The following PLAC1 variants were observed in gnomAD, a reference collection of about 807,000 sequenced individuals.
PLAC1 encodes placenta-specific protein 1.
For synonymous variants in PLAC1, 68 were observed against 62.1 expected (o/e 1.09, Z -0.44); for missense variants, 136 against 163.2 (o/e 0.83, Z 0.91).
intron 2 of PLAC1, among the ~76,000 whole-genome samples, chrX:134,665,839 C>A (rs1028855816): frequency 9.0e-6 from 1 of 110,854 alleles, no homozygotes; most frequent in African/African-American, 3.3e-5. Flanking sequence ...AGCTCTGGAG[C>A]AAATACTGCC....
At chrX:134,699,628 G>T (rs1250789325) in intron 2 of PLAC1, among the ~76,000 whole-genome samples, 1 of 112,364 alleles carries the variant, frequency 8.9e-6, no homozygotes, top group East Asian at 2.8e-4. Context: ...TCTGTTGTTG[G>T]TTAATTACCC....
At chrX:134,618,645 G>A (rs2078196517) in intron 1 of PLAC1, among the ~76,000 whole-genome samples, 1 of 111,102 alleles carries the variant, frequency 9.0e-6, no homozygotes, top group East Asian at 2.8e-4. Context: ...TGAATTCCTG[G>A]GCTCCAGCGA....
At chrX:134,635,280 G>A (rs1287403140) in intron 1 of PLAC1, among the ~76,000 whole-genome samples, 2 of 111,680 alleles carry the variant, frequency 1.8e-5, no homozygotes, top group Non-Finnish European at 3.8e-5. Flanking sequence ...AGGATATTCA[G>A]AACCTTGGTC....
intron 2 of PLAC1, among the ~76,000 whole-genome samples, chrX:134,697,736 C>T (rs909560735): frequency 9.0e-6 from 1 of 111,378 alleles, no homozygotes; most frequent in Admixed American, 9.5e-5. Flanking sequence ...GGCATAGTGG[C>T]GCGTGCCTGT....
chrX:134,603,313 ATTTT>A (rs1319536202), intron 1 of PLAC1, among the ~76,000 whole-genome samples: 1 of 7,662 alleles, frequency 1.3e-4, no homozygotes, highest in African/African-American at 5.1e-4. Flanking sequence ...ATATATATAT[ATTTT>A]TTTTTTTTTT....
chrX:134,674,958 C>A (rs1318374620), intron 2 of PLAC1, among the ~76,000 whole-genome samples: 4 of 112,485 alleles, frequency 3.6e-5, no homozygotes, highest in African/African-American at 1.3e-4. Flanking sequence ...AACACTCGTT[C>A]TTTATTCTCT....
At chrX:134,759,011 A>AG (rs2078763574) in intron 1 of PLAC1, among the ~76,000 whole-genome samples, 1 of 112,244 alleles carries the variant, frequency 8.9e-6, no homozygotes, top group Non-Finnish European at 1.9e-5. Context: ...GCCAACAGGT[A>AG]TATGAAAAAA....
At chrX:134,735,722 C>T (rs975602106) in intron 1 of PLAC1, among the ~76,000 whole-genome samples, 1 of 110,378 alleles carries the variant, frequency 9.1e-6, no homozygotes, top group African/African-American at 3.3e-5. Flanking sequence ...TCTTCAAACC[C>T]TCCCATGGTA....
intron 1 of PLAC1, among the ~76,000 whole-genome samples, chrX:134,739,251 G>A (rs1329749682): frequency 8.9e-6 from 1 of 112,442 alleles, no homozygotes; most frequent in Non-Finnish European, 1.9e-5. Context: ...ACACAGCAGG[G>A]TGGGAGTGTG....
At chrX:134,700,150 G>A (rs1473163427) in intron 2 of PLAC1, among the ~76,000 whole-genome samples, 1 of 111,520 alleles carries the variant, frequency 9.0e-6, no homozygotes, top group Admixed American at 9.6e-5. Flanking sequence ...TTATAGCTCT[G>A]TCTGATTGCC....
chrX:134,736,351 C>T (rs1472933324), intron 1 of PLAC1, among the ~76,000 whole-genome samples: 1 of 111,218 alleles, frequency 9.0e-6, no homozygotes, highest in African/African-American at 3.3e-5. Flanking sequence ...ACCAAAGACC[C>T]ACAAATACCC....
chrX:134,729,851 G>GGAA (rs2078683766), intron 2 of PLAC1, among the ~76,000 whole-genome samples: 1 of 110,913 alleles, frequency 9.0e-6, no homozygotes, highest in African/African-American at 3.3e-5. Context: ...GTGTGCAATG[G>GGAA]CTTGATCTTG....
intron 2 of PLAC1, among the ~76,000 whole-genome samples, chrX:134,704,354 G>A (rs1423190070): frequency 1.9e-5 from 2 of 106,450 alleles, no homozygotes; most frequent in African/African-American, 6.8e-5. Flanking sequence ...TTAGCTGGGC[G>A]TGGTGTTGCA....
chrX:134,677,528 TA>T (rs2078479508), intron 2 of PLAC1, among the ~76,000 whole-genome samples: 1 of 110,553 alleles, frequency 9.0e-6, no homozygotes, highest in Admixed American at 9.6e-5. Flanking sequence ...GAAAAAACCA[TA>T]TTACCACCTA....
At chrX:134,614,437 G>A (rs763228006) in intron 1 of PLAC1, among the ~76,000 whole-genome samples, 2 of 110,771 alleles carry the variant, frequency 1.8e-5, no homozygotes, top group Non-Finnish European at 3.8e-5. Flanking sequence ...TACATCATCA[G>A]CTCTTTTTAA....
chrX:134,708,291 G>A (rs770035784), intron 2 of PLAC1, among the ~76,000 whole-genome samples: 2 of 111,490 alleles, frequency 1.8e-5, no homozygotes, highest in East Asian at 5.6e-4. Context: ...TAGCAGACTC[G>A]GCAATAGAAA....
At chrX:134,724,990 A>G (rs1351986739) in intron 2 of PLAC1, among the ~76,000 whole-genome samples, 1 of 104,841 alleles carries the variant, frequency 9.5e-6, no homozygotes. Flanking sequence ...CGACAGAGCG[A>G]GACCCTGTCT....
intron 2 of PLAC1, among the ~76,000 whole-genome samples, chrX:134,669,013 G>A (rs948440946): frequency 2.7e-5 from 3 of 112,628 alleles, no homozygotes; most frequent in East Asian, 2.8e-4. Flanking sequence ...TGGGGCCTTC[G>A]GCATTGTTCT....
At chrX:134,694,092 A>G (rs1302670689) in intron 2 of PLAC1, among the ~76,000 whole-genome samples, 2 of 110,959 alleles carry the variant, frequency 1.8e-5, no homozygotes, top group African/African-American at 3.3e-5. Context: ...CAAGAATCTA[A>G]CCCCTTATAA....
Sources: gnomAD v4.1 joint callset for allele counts (sites outside exome capture counted in the v4.1 genomes callset) on GRCh38, gnomAD v4.1.1 for gene constraint, MANE v1.5 for transcripts, NCBI Gene and HGNC (gene_info 2026-07-23, HGNC 2026-07-21) for gene names.